Variants in TBC1D5 observed in about 807,000 individuals in gnomAD.
TBC1D5 encodes the protein TBC1 domain family member 5, also known as TBC1 domain family, member 5.
TBC1D5 carries 75 observed loss-of-function variants against 100.3 expected under a neutral mutation model. The ratio of observed to expected loss-of-function variants is 0.75; its 90% CI spans 0.62 to 0.91. The LOEUF (loss-of-function observed/expected upper bound fraction) is 0.91. TBC1D5 is among the 40% of genes least tolerant of loss of function. The pLI is 0.00. For missense variants in TBC1D5, 910 were observed against 942.4 expected (o/e 0.97, Z 0.45); for synonymous variants, 323 against 325.6 (o/e 0.99, Z 0.09).
At chr3:17,529,771 C>A (rs937706462) in intron 2 of TBC1D5, among the ~76,000 whole-genome samples, 1 of 151,812 alleles carries the variant, frequency 6.6e-6, no homozygotes, top group Non-Finnish European at 1.5e-5. Context: ...CTCAGCCTCT[C>A]GAGTAGCTGG....
At chr3:17,350,729 G>C (rs1292116757) in intron 13 of TBC1D5, among the ~76,000 whole-genome samples, 1 of 124,068 alleles carries the variant, frequency 8.1e-6, no homozygotes. Flanking sequence ...AGTTAACTAT[G>C]AGGAAATTTT....
chr3:17,741,294 T>C (rs1406347892), upstream of TBC1D5, among the ~76,000 whole-genome samples: 1 of 152,172 alleles, frequency 6.6e-6, no homozygotes, highest in East Asian at 1.9e-4. Flanking sequence ...CTGTAAAAAT[T>C]AAAAATGCTC....
chr3:17,558,679 G>A (rs891067974), intron 2 of TBC1D5, among the ~76,000 whole-genome samples: 5 of 152,154 alleles, frequency 3.3e-5, no homozygotes, highest in African/African-American at 4.8e-5. Flanking sequence ...TTCTGAAAAA[G>A]AACTAGACAT....
intron 2 of TBC1D5, among the ~76,000 whole-genome samples, chr3:17,621,659 A>G (rs753532666): frequency 1.3e-5 from 2 of 151,262 alleles, no homozygotes; most frequent in Non-Finnish European, 2.9e-5. Flanking sequence ...ATCTATCACT[A>G]CAGTTGTGTC....
rs1204275113 is a variant in TBC1D5 at position 17,544,316 on chromosome 3, T to G, written c.-35-35711A>C. 2.0e-5 allele frequency among the ~76,000 whole-genome samples: 3 copies of G among 152,188 alleles called. No homozygotes were observed. In the East Asian group the frequency reaches 5.8e-4, roughly 29 times the overall value. On this transcript the variant is annotated intron_variant, in intron 2 of 21. Coordinates refer to ENST00000253692, the Ensembl canonical transcript of TBC1D5. ...CTATCACTGTATTACAAGTATAATTTGATTATCAATAATATTTAGATAAGA... is the reference window on the plus strand; with the variant it reads ...CTATCACTGTATTACAAGTATAATTGGATTATCAATAATATTTAGATAAGA...
chr3:17,288,210 A>G (rs2081357755), intron 15 of TBC1D5, among the ~76,000 whole-genome samples: 1 of 152,180 alleles, frequency 6.6e-6, no homozygotes, highest in South Asian at 2.1e-4. Context: ...ATTGACATTA[A>G]CAACACTGAA....
At chr3:17,279,108 T>C (rs2596678) in intron 15 of TBC1D5, among the ~76,000 whole-genome samples, 61,599 of 152,112 alleles carry the variant, frequency 0.4, 13,115 homozygotes, top group Middle Eastern at 0.5. Context: ...ATATTTTGCA[T>C]GATACCATAG....
chr3:17,254,258 G>C (rs2077430090), intron 16 of TBC1D5, among the ~76,000 whole-genome samples: 1 of 152,132 alleles, frequency 6.6e-6, no homozygotes, highest in South Asian at 2.1e-4. Flanking sequence ...TATATTACAG[G>C]ATATATGTTT....
intron 1 of TBC1D5, among the ~76,000 whole-genome samples, chr3:17,689,010 T>C (rs1577484714): frequency 6.6e-6 from 1 of 152,176 alleles, no homozygotes; most frequent in African/African-American, 2.4e-5. Context: ...ATTAATTCCA[T>C]TGGCTGAAAC....
At chr3:17,380,092 T>TAC (rs2092886747) in intron 9 of TBC1D5, among the ~76,000 whole-genome samples, 1 of 150,924 alleles carries the variant, frequency 6.6e-6, no homozygotes, top group East Asian at 1.9e-4. Flanking sequence ...TGTGTGTGTA[T>TAC]ACACATCCAG....
At chr3:17,344,219 C>T (rs904854466) in intron 13 of TBC1D5, among the ~76,000 whole-genome samples, 8 of 151,976 alleles carry the variant, frequency 5.3e-5, no homozygotes, top group African/African-American at 1.9e-4. Flanking sequence ...TCAGCAAAGT[C>T]TCAGGATACA....
intron 13 of TBC1D5, among the ~76,000 whole-genome samples, chr3:17,370,945 T>G (rs903564636): frequency 1.3e-5 from 2 of 152,188 alleles, no homozygotes; most frequent in African/African-American, 4.8e-5. Context: ...TAGCACTACA[T>G]ATAAATGTTC....
chr3:17,445,612 A>G (rs899945709), intron 3 of TBC1D5, among the ~76,000 whole-genome samples: 3 of 152,220 alleles, frequency 2.0e-5, no homozygotes, highest in African/African-American at 7.2e-5. Context: ...AGAATAGTAC[A>G]ATAAGATATT....
At chr3:17,542,453 A>T (rs562619919) in intron 2 of TBC1D5, among the ~76,000 whole-genome samples, 4 of 152,318 alleles carry the variant, frequency 2.6e-5, no homozygotes, top group Admixed American at 2.0e-4. Context: ...TGTAGCCTCA[A>T]GTGATGCTCC....
chr3:17,489,741 T>C (rs1161319777), intron 3 of TBC1D5, among the ~76,000 whole-genome samples: 1 of 152,236 alleles, frequency 6.6e-6, no homozygotes, highest in African/African-American at 2.4e-5. Flanking sequence ...CCACATTTTC[T>C]TTATCAAGTC....
At chr3:17,237,769 C>T (rs1011920497) in intron 17 of TBC1D5, among the ~76,000 whole-genome samples, 2 of 152,228 alleles carry the variant, frequency 1.3e-5, no homozygotes, top group Non-Finnish European at 2.9e-5. Flanking sequence ...AACTGTAATG[C>T]ACCAACGAAT....
At chr3:17,184,955 G>A in intron 19 of TBC1D5, 154 bp downstream of exon 20, 2 of 504,430 alleles carry the variant, frequency 4.0e-6, no homozygotes, top group Non-Finnish European at 3.4e-6. Context: ...AATGTAGAGA[G>A]TGAGAGTAAG....
At chr3:17,404,359 C>T (rs1432797202) in intron 7 of TBC1D5, among the ~76,000 whole-genome samples, 3 of 151,928 alleles carry the variant, frequency 2.0e-5, no homozygotes, top group Non-Finnish European at 4.4e-5. Flanking sequence ...ATTTTCACGA[C>T]GAAGGGAGGC....
intron 1 of TBC1D5, among the ~76,000 whole-genome samples, chr3:17,659,725 C>A (rs912849551): frequency 4.6e-5 from 7 of 152,082 alleles, no homozygotes; most frequent in Non-Finnish European, 1.0e-4. Flanking sequence ...CTCAAACTTA[C>A]ATTTGCTCCA....
Sources: gnomAD v4.1 joint callset for allele counts (sites outside exome capture counted in the v4.1 genomes callset) on GRCh38, gnomAD v4.1.1 for gene constraint, MANE v1.5 for transcripts, NCBI Gene and HGNC (gene_info 2026-07-23, HGNC 2026-07-21) for gene names.